Variants in ORMDL1 observed in about 807,000 individuals in gnomAD.
The protein encoded by ORMDL1 is ORM1-like protein 1.
ORMDL1 carries 10 observed loss-of-function variants against 13.0 expected under a neutral mutation model. That is an observed-to-expected ratio of 0.77 (90% CI 0.47 to 1.30). The LOEUF is 1.30. ORMDL1 is among the 50% of genes most tolerant of loss of function. ORMDL1 has a pLI of 0.00. For missense variants in ORMDL1, 171 were observed against 186.7 expected (o/e 0.92, Z 0.49); for synonymous variants, 61 against 63.9 (o/e 0.95, Z 0.22).
intron 3 of ORMDL1, among the ~76,000 whole-genome samples, chr2:189,781,509 A>G (rs2047830071): frequency 6.6e-6 from 1 of 152,124 alleles, no homozygotes. Flanking sequence ...AACACAAGAG[A>G]GTAACAAGCA....
At chr2:189,774,336 T>C (rs542747449) in intron 4 of ORMDL1, among the ~76,000 whole-genome samples, 1 of 152,324 alleles carries the variant, frequency 6.6e-6, no homozygotes, top group Admixed American at 6.5e-5. Context: ...TCTTTGAGGT[T>C]AATATTATAT....
Position 189,784,304 on chromosome 2 carries a change from G to C in ORMDL1, c.-153C>G, listed in dbSNP as rs1048895428. 4 of 152,430 alleles carry C rather than the reference G, an allele frequency of 2.6e-5. No homozygotes were observed. The highest frequency in any genetic ancestry group is 5.9e-5 in the Non-Finnish European group (4 of 68,198). 9.4% of individuals were successfully genotyped at this position (152,430 alleles called of 1,614,324 possible). On this transcript the variant is annotated 5_prime_UTR_variant, in exon 1 of 5. Transcript: ENST00000392349. ...ACTCCGGGCCGCCGGCTCGCAGCAG[G>C]ACCAGCCCGGCTGCTACGGCCGCGG...
chr2:189,772,934 T>C lies in ORMDL1; in HGVS notation c.327-1032A>G, dbSNP rs2047610858. On this transcript the variant is annotated intron_variant, in intron 4 of 4. Coordinates refer to ENST00000392349, the MANE Select transcript of ORMDL1 (RefSeq NM_016467.5). Reference sequence around the variant, plus strand: ...ACAATCTTCCACCTATTTTGCAAACTACAGTCAGAAAATTCTTTCTCTAGT... The same window carrying C: ...ACAATCTTCCACCTATTTTGCAAACCACAGTCAGAAAATTCTTTCTCTAGT... Among the ~76,000 whole-genome samples, 5 of 152,224 alleles carry C rather than the reference T, an allele frequency of 3.3e-5. No homozygotes were observed. The South Asian group carries it at 1.0e-3, about 31-fold the overall frequency.
downstream of ORMDL1, among the ~76,000 whole-genome samples, chr2:189,769,434 G>A (rs1429842978): frequency 6.6e-6 from 1 of 151,968 alleles, no homozygotes; most frequent in Non-Finnish European, 1.5e-5. Context: ...ATTACATGGT[G>A]TCTAAGGGCT....
Position 189,782,437 on chromosome 2 carries a change from A to G in ORMDL1, c.159T>C (p.Asn53=). The change falls in exon 3 of 5, where the codon AAT becomes AAC. Residue 53 remains asparagine (N), a synonymous_variant. Transcript: ENST00000392349. ...AAATTCTTACCAGATTATGTATAAT[A>G]TTTGTTAAAGTCCAAGCAACAGGAA... ...FSVPVAWTLT[N]IIHNLGMYVF... 1 of 1,613,564 alleles carries G rather than the reference A, an allele frequency of 6.2e-7. No individual in the cohort carries two copies.
At chr2:189,777,837 A>G (rs1490878978) in intron 3 of ORMDL1, among the ~76,000 whole-genome samples, 2 of 152,112 alleles carry the variant, frequency 1.3e-5, no homozygotes, top group Non-Finnish European at 2.9e-5. Context: ...AATATACTGT[A>G]TTTTTCTAAC....
the ORMDL1 span, chr2:189,764,967 G>C: frequency 6.6e-6 from 1 of 152,062 alleles, no homozygotes; most frequent in East Asian, 1.9e-4. Context: ...CGAGTAGCTG[G>C]GACTACAGGT....
downstream of ORMDL1, among the ~76,000 whole-genome samples, chr2:189,766,579 C>T (rs963797693): frequency 3.9e-5 from 6 of 152,176 alleles, no homozygotes; most frequent in Non-Finnish European, 5.9e-5. Context: ...CAAAAATTAG[C>T]TGGTTGTGGT....
At chr2:189,778,579 G>C (rs1173768817) in intron 3 of ORMDL1, 1 of 399,158 alleles carries the variant, frequency 2.5e-6, no homozygotes. Context: ...GGCAGAGCAG[G>C]AAGGAGGGAG....
At chr2:189,777,487 A>G (rs182450691) in intron 3 of ORMDL1, among the ~76,000 whole-genome samples, 2 of 152,326 alleles carry the variant, frequency 1.3e-5, no homozygotes, top group Admixed American at 1.3e-4. Flanking sequence ...TTCAAACCAT[A>G]TGTACTTAAC....
the ORMDL1 span, chr2:189,764,272 A>T: frequency 5.2e-5 from 8 of 152,402 alleles, 1 homozygote; most frequent in East Asian, 1.5e-3. Context: ...CAGTTTGAAC[A>T]TAAAACCTTT....
chr2:189,775,160 G>C (rs1253869162), intron 4 of ORMDL1: 1 of 154,474 alleles, frequency 6.5e-6, no homozygotes, highest in African/African-American at 2.4e-5. Flanking sequence ...TTCCCAAGGA[G>C]TCTGAATATC....
rs144110698 is a variant in ORMDL1 at position 189,775,802 on chromosome 2, T to C, written c.175-86A>G. 296 of 1,307,024 alleles carry C rather than the reference T, an allele frequency of 2.3e-4. 3 individuals carry two copies. In the African/African-American group the frequency reaches 3.8e-3, roughly 17 times the overall value. The allele number at this position is 1,307,024 out of a possible 1,614,324, so 81.0% of individuals were successfully genotyped here. A position where few individuals can be genotyped will look rare whatever the true frequency, so the allele number is the denominator to read the frequency against. ...GTAGCATTAACGAGGTTCCAAGCTG[T>C]TTGTGAGAGTGTGTGATTTAACTGA... On this transcript the variant is annotated intron_variant, in intron 3 of 4. Transcript: ENST00000392349.
chr2:189,773,080 A>T (rs1049991441), intron 4 of ORMDL1, among the ~76,000 whole-genome samples: 1 of 152,214 alleles, frequency 6.6e-6, no homozygotes, highest in Non-Finnish European at 1.5e-5. Flanking sequence ...AACTCATTTC[A>T]TTTCCCACCA....
intron 3 of ORMDL1, 103 bp from the exon 4 acceptor site, chr2:189,775,819 T>C: frequency 6.3e-6 from 7 of 1,103,586 alleles, no homozygotes; most frequent in South Asian, 2.0e-5. Context: ...GAGTGTGTGA[T>C]TTAACTGAGT....
intron 1 of ORMDL1, chr2:189,783,619 G>T (rs932231563): frequency 1.3e-5 from 2 of 152,192 alleles, no homozygotes; most frequent in African/African-American, 4.8e-5. Flanking sequence ...GTTACACTAA[G>T]ACCGCTAAAG....
intron 4 of ORMDL1, among the ~76,000 whole-genome samples, chr2:189,773,220 A>C (rs2047617245): frequency 6.6e-6 from 1 of 152,084 alleles, no homozygotes; most frequent in Non-Finnish European, 1.5e-5. Context: ...TGTAGATTAT[A>C]TGAAAATTAC....
the ORMDL1 span, among the ~76,000 whole-genome samples, chr2:189,764,625 G>C: frequency 6.6e-6 from 1 of 152,098 alleles, no homozygotes; most frequent in Non-Finnish European, 1.5e-5. Context: ...GCTCTCTGAG[G>C]CCTGTCTGTA....
chr2:189,764,887 C>G, the ORMDL1 span: 2 of 151,800 alleles, frequency 1.3e-5, no homozygotes, highest in Admixed American at 6.6e-5. Flanking sequence ...GGCTGGAGTG[C>G]AGTGGTGCCA....
Sources: gnomAD v4.1 joint callset for allele counts (sites outside exome capture counted in the v4.1 genomes callset) on GRCh38, gnomAD v4.1.1 for gene constraint, MANE v1.5 for transcripts, NCBI Gene and HGNC (gene_info 2026-07-23, HGNC 2026-07-21) for gene names.